The following TMEM128 variants were observed in gnomAD, a reference collection of about 807,000 sequenced individuals.
TMEM128 encodes the protein transmembrane protein 128.
Under a neutral mutation model 19.7 loss-of-function variants are expected in TMEM128, and 16 were observed. That is an observed-to-expected ratio of 0.81 (90% CI 0.55 to 1.23). The LOEUF is 1.23. Among genes scored for constraint, TMEM128 ranks in the 50% most tolerant of loss-of-function variants. The pLI, the probability that TMEM128 is intolerant of heterozygous loss-of-function variation, is 0.00. For synonymous variants in TMEM128, 98 were observed against 75.8 expected, an observed-to-expected ratio of 1.29 and a Z score of -1.52; for missense variants, 237 against 200.8, an observed-to-expected ratio of 1.18 and a Z score of -1.09.
At chr4:4,240,945 C>T (rs753835382) in intron 2 of TMEM128, among the ~76,000 whole-genome samples, 14 of 152,156 alleles carry the variant, frequency 9.2e-5, no homozygotes, top group Non-Finnish European at 1.9e-4. Context: ...GGCGTGGTGG[C>T]GCAAGCCTGT....
rs750827231 is a variant in TMEM128 at position 4,240,404 on chromosome 4, C to A, written c.315G>T (p.Trp105Cys). 6.2e-7 allele frequency: 1 copy of A among 1,614,092 alleles called. No individual in the cohort carries two copies. ...CATCATATTCTCCAATTCCACAATA[C>A]CATTCCAGGTAGACTATGCAGTAAA... ...IAFYCIVYLEWYCGIGEYDVK... is the reference protein window; with the variant it reads ...IAFYCIVYLECYCGIGEYDVK... Residue 105 changes from tryptophan (W) to cysteine (C), a missense_variant, in exon 3 of 5, where the codon TGG becomes TGT. Trp to Cys is a radical substitution (Grantham distance 215). Transcript: ENST00000382753.
intron 3 of TMEM128, 33 bp from the exon 4 acceptor site, chr4:4,237,968 T>G (rs1717794441): frequency 7.6e-7 from 1 of 1,312,010 alleles, no homozygotes; most frequent in African/African-American, 1.5e-5. Flanking sequence ...AGTTGACAAC[T>G]CCAATATGCA....
chr4:4,238,845 C>A (rs1372408562), intron 3 of TMEM128, among the ~76,000 whole-genome samples: 1 of 152,148 alleles, frequency 6.6e-6, no homozygotes, highest in Non-Finnish European at 1.5e-5. Context: ...CCTGCCTGAG[C>A]AGCACAGCGA....
chr4:4,243,059 GTTGTT>G (rs895474407), intron 2 of TMEM128, among the ~76,000 whole-genome samples: 2 of 152,044 alleles, frequency 1.3e-5, no homozygotes, highest in African/African-American at 4.8e-5. Context: ...GCATCACAGT[GTTGTT>G]TTGTTATTAT....
rs1041557855 is a variant in TMEM128 at position 4,248,104 on chromosome 4, A to T, written c.97+2T>A. ...CTCGGGGCGGCTTGGTGCGCGCCTC[A>T]CCCGGCCCGGCGTCACCCTCGCGGT... On this transcript the variant is annotated splice_donor_variant, in intron 1 of 4. Transcript: ENST00000382753. LOFTEE classifies it high-confidence loss of function. The T allele has an allele frequency of 1.3e-6, 2 of 1,535,102 alleles. No individual in the cohort carries two copies. The highest frequency in any genetic ancestry group is 2.8e-5 in the African/African-American group (2 of 72,198).
chr4:4,241,058 C>G (rs533460776), intron 2 of TMEM128, among the ~76,000 whole-genome samples: 2 of 152,088 alleles, frequency 1.3e-5, no homozygotes, highest in Admixed American at 1.3e-4. Flanking sequence ...GCCTGGAGTG[C>G]CTGGGCAACA....
In TMEM128 at chr4:4,236,106, C is replaced by T. The variant is rs1323086439; in HGVS notation, c.*160G>A. 2.0e-5 allele frequency: 3 copies of T among 152,118 alleles called. No individual in the cohort carries two copies. The highest frequency in any genetic ancestry group is 7.2e-5 in the African/African-American group (3 of 41,430). The allele number at this position is 152,118 out of a possible 1,614,324, so 9.4% of individuals were successfully genotyped here. A position where few individuals can be genotyped will look rare whatever the true frequency, so the allele number is the denominator to read the frequency against. ...TAGGGTCTGCCATGCTTTCAGCTAGCTGGATGTTTAACCATTCACTTCAAA... is the reference window on the plus strand; with the variant it reads ...TAGGGTCTGCCATGCTTTCAGCTAGTTGGATGTTTAACCATTCACTTCAAA... On this transcript the variant is annotated 3_prime_UTR_variant, in exon 5 of 5. Transcript: ENST00000382753.
chr4:4,243,960 G>T (rs568465011), intron 2 of TMEM128, among the ~76,000 whole-genome samples: 4 of 152,244 alleles, frequency 2.6e-5, no homozygotes, highest in African/African-American at 9.6e-5. Flanking sequence ...AGGCTGACCT[G>T]GACTAGATAT....
chr4:4,246,375 T>A (rs376160344), intron 1 of TMEM128, 32 bp from the exon 2 acceptor site: 8 of 1,571,928 alleles, frequency 5.1e-6, no homozygotes, highest in Middle Eastern at 1.7e-4. Context: ...ACTTATTAAG[T>A]TACCACAATT....
chr4:4,242,144 G>A (rs1425536997), intron 2 of TMEM128, among the ~76,000 whole-genome samples: 3 of 152,104 alleles, frequency 2.0e-5, no homozygotes, highest in African/African-American at 7.2e-5. Flanking sequence ...CTGACCTCAA[G>A]TGATCCACCT....
At chr4:4,247,581 G>C (rs1718236960) in intron 1 of TMEM128, 4 of 1,614,112 alleles carry the variant, frequency 2.5e-6, no homozygotes, top group Middle Eastern at 1.6e-4. Context: ...ATTCACAGGT[G>C]AACATACATC....
intron 2 of TMEM128, among the ~76,000 whole-genome samples, chr4:4,242,697 T>C (rs1718012369): frequency 6.6e-6 from 1 of 151,956 alleles, no homozygotes; most frequent in Non-Finnish European, 1.5e-5. Flanking sequence ...TTTTGTATTT[T>C]TAGTAGAGAT....
chr4:4,244,781 G>A lies in TMEM128; in HGVS notation c.239+1421C>T, dbSNP rs572398632. ...GACTCTGCGCTTCCTATGGGCAGCC[G>A]ACTTGCAGCAGAAGAAGGTGCTGAG... On this transcript the variant is annotated intron_variant, in intron 2 of 4. Coordinates refer to ENST00000382753, the MANE Select transcript of TMEM128 (RefSeq NM_001297551.2). 5.9e-5 allele frequency among the ~76,000 whole-genome samples: 9 copies of A among 152,256 alleles called. No individual in the cohort carries two copies. The East Asian group carries it at 1.2e-3, about 20-fold the overall frequency.
At chr4:4,239,862 T>C (rs893218614) in intron 3 of TMEM128, among the ~76,000 whole-genome samples, 6 of 152,178 alleles carry the variant, frequency 3.9e-5, no homozygotes, top group African/African-American at 1.4e-4. Context: ...AAAAATAGAA[T>C]ATCTAATGGA....
At chr4:4,242,934 C>T (rs933294421) in intron 2 of TMEM128, among the ~76,000 whole-genome samples, 1 of 152,152 alleles carries the variant, frequency 6.6e-6, no homozygotes, top group African/African-American at 2.4e-5. Context: ...ACCTAGTCCC[C>T]AGTTTCCAAA....
intron 2 of TMEM128, among the ~76,000 whole-genome samples, chr4:4,241,647 T>C (rs1347061282): frequency 6.6e-6 from 1 of 152,196 alleles, no homozygotes; most frequent in African/African-American, 2.4e-5. Flanking sequence ...ATTCTGAGAT[T>C]CGGAGTCATG....
At position 4,235,964 on chromosome 4, in the gene TMEM128, T is replaced by A. The variant is rs2294108; in HGVS notation, c.*302A>T. On this transcript the variant is annotated 3_prime_UTR_variant, in exon 5 of 5. Transcript: ENST00000382753. ...GACTTCTGAAAATTTTAATAATTTA[T>A]GCATATGCAAGTGAAATATAATTTA... is the stretch of plus-strand genomic sequence containing the variant. 26,056 of 152,290 alleles carry A rather than the reference T, an allele frequency of 0.17. 2,300 individuals carry two copies. Among genetic ancestry groups the A allele is most frequent in the East Asian group, 0.28 (1,463 of 5,178 alleles). The allele number at this position is 152,290 out of a possible 1,614,324, so 9.4% of individuals were successfully genotyped here.
chr4:4,237,935 G>A lies in TMEM128; in HGVS notation c.399C>T (p.Cys133=), dbSNP rs1401919044. Residue 133 remains cysteine (C), a splice_region_variant and synonymous_variant, in exon 4 of 5, where the codon TGC becomes TGT. Coordinates refer to ENST00000382753, the MANE Select transcript of TMEM128 (RefSeq NM_001297551.2). ...ACACATGCCATAAAGCAATGTTGAA[G>A]CTGAAAAGAACAAGACATAAACAGT... ...TTASFIAAGI[C]FNIALWHVWS... The A allele has an allele frequency of 3.9e-6, 6 of 1,550,240 alleles. No individual in the cohort carries two copies. The highest frequency in any genetic ancestry group is 5.2e-6 in the Non-Finnish European group (6 of 1,144,194).
chr4:4,236,383 A>C (rs754370302), intron 4 of TMEM128, 127 bp from the exon 5 acceptor site: 2 of 152,242 alleles, frequency 1.3e-5, no homozygotes, highest in Non-Finnish European at 2.9e-5. Context: ...TTCACTCTGT[A>C]ATCTACAACA....
Sources: allele counts gnomAD v4.1 joint callset (sites outside exome capture counted in the v4.1 genomes callset), GRCh38; gene constraint gnomAD v4.1.1; transcripts MANE v1.5; gene names NCBI Gene and HGNC (gene_info 2026-07-23, HGNC 2026-07-21).